Variants in ADAMTS10 observed in about 807,000 individuals in gnomAD.
The protein encoded by ADAMTS10 is ADAM metallopeptidase with thrombospondin type 1 motif 10.
Under a neutral mutation model 135.9 loss-of-function variants are expected in ADAMTS10, and 48 were observed. That is an observed-to-expected ratio of 0.35 (90% CI 0.28 to 0.45). ADAMTS10 has a LOEUF of 0.45. ADAMTS10 is among the 20% of genes least tolerant of loss of function. The probability of loss-of-function intolerance (pLI) is 1.00; values close to 1 mark genes in which losing one functional copy is unlikely to be tolerated. For synonymous variants in ADAMTS10, 621 were observed against 647.5 expected (o/e 0.96, Z 0.62); for missense variants, 1,131 against 1,565.2 (o/e 0.72, Z 4.68).
chr19:8,596,564 C>T lies in ADAMTS10; in HGVS notation c.1062G>A (p.Lys354=), dbSNP rs2042608007. ...TACCTAGTGTGCCGCAGGGTTTGTT[C>T]TTGTAGATGCAGATGTCATAGCTGT... ...LITRYDICIY[K]NKPCGTLGLA... Residue 354 remains lysine (K), a synonymous_variant, in exon 9 of 26, where the codon AAG becomes AAA. Coordinates refer to ENST00000597188, the MANE Select transcript of ADAMTS10 (RefSeq NM_030957.4). The surrounding 1 kb of genome is among the most constrained non-coding windows in gnomAD (Gnocchi z 7.2). The T allele has an allele frequency of 6.2e-7, 1 of 1,613,470 alleles. No individual in the cohort carries two copies. The highest frequency in any genetic ancestry group is 8.5e-7 in the Non-Finnish European group (1 of 1,180,010).
chr19:8,607,461 C>A (rs901083127), intron 2 of ADAMTS10, among the ~76,000 whole-genome samples: 1 of 152,178 alleles, frequency 6.6e-6, no homozygotes, highest in Non-Finnish European at 1.5e-5. Context: ...GCCAGCCTGC[C>A]GCAGACACCA....
chr19:8,585,554 G>A lies in ADAMTS10; in HGVS notation c.2767C>T (p.Leu923=). The change falls in exon 23 of 26, where the codon CTG becomes TTG. Residue 923 remains leucine, a synonymous_variant. Transcript: ENST00000597188. ...GGCTGCGGGCATGCGCTGTCGTCCAGCGCCTTCTCCTCCGCGGCAGAGACG... is the reference window on the plus strand; with the variant it reads ...GGCTGCGGGCATGCGCTGTCGTCCAACGCCTTCTCCTCCGCGGCAGAGACG... ...RRVSAAEEKA[L]DDSACPQPRP... 6.3e-7 allele frequency: 1 copy of A among 1,594,752 alleles called. No individual in the cohort carries two copies. Among genetic ancestry groups the A allele is most frequent in the Non-Finnish European group, 8.5e-7 (1 of 1,171,586 alleles).
At chr19:8,609,103 G>A (rs2042752721) in intron 1 of ADAMTS10, among the ~76,000 whole-genome samples, 1 of 151,640 alleles carries the variant, frequency 6.6e-6, no homozygotes. Flanking sequence ...GGATGTCAGT[G>A]AGGGATCTGC....
Position 8,589,310 on chromosome 19 carries a change from A to G in ADAMTS10, c.2090T>C (p.Val697Ala). 6.2e-7 allele frequency: 1 copy of G among 1,612,522 alleles called. No homozygotes were observed. Among genetic ancestry groups the G allele is most frequent in the Non-Finnish European group, 8.5e-7 (1 of 1,179,946 alleles). Residue 697 changes from valine to alanine, a missense_variant, in exon 18 of 26, where the codon GTG becomes GCG. Val to Ala is a moderately conservative substitution (Grantham distance 64, BLOSUM62 0). This residue lies in a region of ADAMTS10 where 745 missense variants were observed against 1,056.3 expected (regional missense o/e 0.71). Coordinates refer to ENST00000597188, the MANE Select transcript of ADAMTS10 (RefSeq NM_030957.4). The part of the protein sequence containing the change: ...GSDLREDKCR[V>A]CGGDGSACET... ...GCAGGCACTGCCGTCACCGCCACAC[A>G]CTCGGCACTTGTCCTCCCGCAGGTC...
chr19:8,599,682 C>A (rs2042642176), intron 6 of ADAMTS10, among the ~76,000 whole-genome samples: 1 of 152,034 alleles, frequency 6.6e-6, no homozygotes, highest in Non-Finnish European at 1.5e-5. Context: ...GGGATTATAA[C>A]CCACTGCGTC....
chr19:8,595,718 G>GCCCCCCCCCCC, intron 12 of ADAMTS10, 44 bp downstream of exon 12: 1 of 1,403,578 alleles, frequency 7.1e-7, no homozygotes, highest in Non-Finnish European at 9.9e-7. Context: ...AGCCCCAGCG[G>GCCCCCCCCCCC]CCCCCTCCCC....
chr19:8,600,793 C>G, intron 6 of ADAMTS10, 135 bp downstream of exon 6: 2 of 1,153,226 alleles, frequency 1.7e-6, no homozygotes, highest in Non-Finnish European at 2.5e-6. Context: ...CCACCGCGCC[C>G]GGCCTGCAAC....
At chr19:8,600,280 T>C (rs2042648182) in intron 6 of ADAMTS10, among the ~76,000 whole-genome samples, 1 of 152,156 alleles carries the variant, frequency 6.6e-6, no homozygotes, top group South Asian at 2.1e-4. Context: ...GTGAAGTAAC[T>C]TGCTCAAAGG....
At position 8,580,628 on chromosome 19, in the gene ADAMTS10, C is replaced by T; in HGVS notation, c.*265G>A. 2.1e-6 allele frequency: 1 copy of T among 465,984 alleles called. No individual in the cohort carries two copies. Among genetic ancestry groups the T allele is most frequent in the Non-Finnish European group, 4.0e-6 (1 of 251,856 alleles). The allele number at this position is 465,984 out of a possible 1,614,324, so 28.9% of individuals were successfully genotyped here. On this transcript the variant is annotated 3_prime_UTR_variant, in exon 26 of 26. Transcript: ENST00000597188. ...GTTCAAAGGGTGCTGGGGTGAACAG[C>T]TGTCCCCTCCCCAGACCCACCCTGG...
chr19:8,591,895 A>G (rs1274666270), intron 14 of ADAMTS10, 32 bp from the exon 15 acceptor site: 1 of 1,612,344 alleles, frequency 6.2e-7, no homozygotes. Flanking sequence ...GAGAGGGATG[A>G]GGCAGTGGGC....
intron 25 of ADAMTS10, 60 bp from the exon 26 acceptor site, chr19:8,581,062 C>T: frequency 8.6e-7 from 1 of 1,163,534 alleles, no homozygotes; most frequent in South Asian, 1.3e-5. Context: ...CGCAGGGCTG[C>T]ACACACGACC....
chr19:8,596,879 TCTCTG>T lies in ADAMTS10; in HGVS notation c.1040+103_1040+107del. ...GGCTCCCTCATGGGCAGCCCAAACTTCTCTGCTCCTCCTGACCCTAGCAGAAGTGA... is the reference window on the plus strand; with the variant it reads ...GGCTCCCTCATGGGCAGCCCAAACTTCTCCTCCTGACCCTAGCAGAAGTGA... On this transcript the variant is annotated intron_variant, in intron 8 of 25. Transcript: ENST00000597188. The surrounding 1 kb of genome is among the most constrained non-coding windows in gnomAD (Gnocchi z 7.2). 1 of 1,560,718 alleles carries T rather than the reference TCTCTG, an allele frequency of 6.4e-7. No homozygotes were observed. Among genetic ancestry groups the T allele is most frequent in the Non-Finnish European group, 8.7e-7 (1 of 1,150,146 alleles).
At position 8,589,894 on chromosome 19, in the gene ADAMTS10, C is replaced by T. The variant is rs376693503; in HGVS notation, c.1895G>A (p.Arg632Gln). The T allele has an allele frequency of 2.4e-5, 39 of 1,613,660 alleles. No homozygotes were observed. Among genetic ancestry groups the T allele is most frequent in the Admixed American group, 1.7e-4 (10 of 60,000 alleles). The part of the protein sequence containing the change: ...RGKFYKWKTY[R>Q]GGGVKACSLT... ...CTTTGGAGTCCCACACTCACCTCCC[C>T]GGTACGTTTTCCACTTGTAGAATTT... Residue 632 changes from arginine (R) to glutamine (Q), a missense_variant, in exon 16 of 26, where the codon CGG (arginine) becomes CAG (glutamine). Coordinates refer to ENST00000597188, the MANE Select transcript of ADAMTS10 (RefSeq NM_030957.4).
chr19:8,592,291 G>A, intron 13 of ADAMTS10, 188 bp from the exon 14 acceptor site: 2 of 1,193,582 alleles, frequency 1.7e-6, no homozygotes, highest in Non-Finnish European at 2.3e-6. Flanking sequence ...CCAGGTACAA[G>A]CGAGAGGCGT....
Position 8,586,377 on chromosome 19 carries a change from G to A in ADAMTS10, c.2497C>T (p.Pro833Ser). ...SLPPYSWHYA[P>S]WTKCSAQCAG... ...CACTGGGCCGAGCACTTGGTCCAGGGCGCATAGTGCCAGGAGTAGGGGGGC... is the reference window on the plus strand; with the variant it reads ...CACTGGGCCGAGCACTTGGTCCAGGACGCATAGTGCCAGGAGTAGGGGGGC... The change falls in exon 21 of 26, where the codon CCC becomes TCC. Residue 833 changes from proline to serine, a missense_variant. Transcript: ENST00000597188. 2 of 1,613,838 alleles carry A rather than the reference G, an allele frequency of 1.2e-6. No individual in the cohort carries two copies. The highest frequency in any genetic ancestry group is 1.1e-5 in the South Asian group (1 of 91,080).
intron 5 of ADAMTS10, among the ~76,000 whole-genome samples, chr19:8,602,331 T>G (rs2042676961): frequency 6.6e-6 from 1 of 152,196 alleles, no homozygotes; most frequent in African/African-American, 2.4e-5. Flanking sequence ...TCTGATTTTC[T>G]TTTTTGAGAC....
chr19:8,609,605 G>T (rs2042759031), intron 1 of ADAMTS10, among the ~76,000 whole-genome samples: 1 of 152,048 alleles, frequency 6.6e-6, no homozygotes, highest in African/African-American at 2.4e-5. Flanking sequence ...AGCAGACAAA[G>T]GCCCAGCCGG....
At chr19:8,592,357 T>C (rs1462781584) in intron 13 of ADAMTS10, 11 of 711,086 alleles carry the variant, frequency 1.5e-5, no homozygotes, top group South Asian at 3.8e-5. Flanking sequence ...ACGATAAGCG[T>C]GGAGACGAGG....
intron 15 of ADAMTS10, 55 bp downstream of exon 15, chr19:8,591,745 T>G: frequency 1.2e-6 from 2 of 1,601,168 alleles, no homozygotes; most frequent in Non-Finnish European, 1.7e-6. Context: ...CGGCCTCTGA[T>G]AGCTGTTTTT....
Sources: gnomAD v4.1 joint callset for allele counts (sites outside exome capture counted in the v4.1 genomes callset) on GRCh38, gnomAD v4.1.1 for gene constraint, gnomAD v4.1.1 regional missense constraint, Gnocchi (gnomAD v3.1) non-coding constraint, MANE v1.5 for transcripts, NCBI Gene and HGNC (gene_info 2026-07-23, HGNC 2026-07-21) for gene names.